Variants in SEPTIN8 observed in about 807,000 individuals in gnomAD.
SEPTIN8 encodes septin-8.
SEPTIN8 carries 22 observed loss-of-function variants against 53.1 expected under a neutral mutation model. The ratio of observed to expected loss-of-function variants is 0.41; its 90% CI spans 0.30 to 0.59. SEPTIN8 has a LOEUF of 0.59. Ranked by LOEUF, SEPTIN8 falls within the 20% of genes least tolerant of loss-of-function variation. The probability of loss-of-function intolerance (pLI) is 0.24; values close to 1 mark genes in which losing one functional copy is unlikely to be tolerated. For synonymous variants in SEPTIN8, 228 were observed against 248.4 expected (o/e 0.92, Z 0.77); for missense variants, 536 against 638.7 (o/e 0.84, Z 1.73).
chr5:132,752,598 T>G (rs182914154), intron 9 of SEPTIN8, among the ~76,000 whole-genome samples: 1 of 152,234 alleles, frequency 6.6e-6, no homozygotes, highest in African/African-American at 2.4e-5. Context: ...AGGGGTACCA[T>G]GAGGCAAGCA....
intron 2 of SEPTIN8, among the ~76,000 whole-genome samples, chr5:132,764,765 A>G (rs1756406794): frequency 1.3e-5 from 2 of 152,176 alleles, no homozygotes; most frequent in Non-Finnish European, 2.9e-5. Context: ...AACCTGCTCT[A>G]CACAACACCC....
chr5:132,758,604 T>G, intron 9 of SEPTIN8: 1 of 1,604,080 alleles, frequency 6.2e-7, no homozygotes, highest in Non-Finnish European at 8.5e-7. Flanking sequence ...ATTCATGGCT[T>G]TTACGTGTTT....
In SEPTIN8 at chr5:132,756,792, G is replaced by A. The variant is rs77138864; in HGVS notation, c.1286+4010C>T. 3.8e-4 allele frequency: 372 copies of A among 985,416 alleles called. 7 individuals carry two copies. The East Asian group carries it at 0.028, about 73-fold the overall frequency. 61.0% of individuals were successfully genotyped at this position (985,416 alleles called of 1,614,324 possible). On this transcript the variant is annotated intron_variant, in intron 9 of 9. Transcript: ENST00000378719. ...TATGGCCTTTCAGTATGCCTGGGGT[G>A]CGACCCGCAGGCCACAATGGACGAA...
At position 132,760,704 on chromosome 5, in the gene SEPTIN8, G is replaced by A. The variant is rs1454111703; in HGVS notation, c.1286+98C>T. The A allele has an allele frequency of 4.3e-6, 5 of 1,160,660 alleles. No individual in the cohort carries two copies. The highest frequency in any genetic ancestry group is 6.1e-6 in the Non-Finnish European group (5 of 814,134). 71.9% of individuals were successfully genotyped at this position (1,160,660 alleles called of 1,614,324 possible). A position where few individuals can be genotyped will look rare whatever the true frequency, so the allele number is the denominator to read the frequency against. On this transcript the variant is annotated intron_variant, in intron 9 of 9. Coordinates refer to ENST00000378719, the MANE Select transcript of SEPTIN8 (RefSeq NM_001098811.2). The surrounding 1 kb of genome is among the most constrained non-coding windows in gnomAD (Gnocchi z 5.2). ...AACCAAACAGGAAAGGGGTAAGAGA[G>A]GGCGAGCAGGAGAGCGAGAAGGGAG...
chr5:132,758,248 CTG>C, intron 9 of SEPTIN8: 2 of 1,277,234 alleles, frequency 1.6e-6, no homozygotes, highest in Non-Finnish European at 2.0e-6. Context: ...ATCAGGGAAT[CTG>C]TGTTACTTAT....
chr5:132,765,702 T>C (rs1756514405), intron 1 of SEPTIN8, among the ~76,000 whole-genome samples, 173 bp from the exon 2 acceptor site: 2 of 152,178 alleles, frequency 1.3e-5, no homozygotes, highest in Non-Finnish European at 2.9e-5. Context: ...CAGGCCAAGT[T>C]TCCCCAGAGG....
intron 9 of SEPTIN8, chr5:132,753,722 A>C (rs1755061604): frequency 1.3e-5 from 2 of 152,406 alleles, no homozygotes; most frequent in African/African-American, 4.8e-5. Flanking sequence ...CACAGCTCTG[A>C]ATGCTTTCTG....
intron 1 of SEPTIN8, among the ~76,000 whole-genome samples, chr5:132,765,747 C>G (rs1017133736): frequency 6.6e-6 from 1 of 152,380 alleles, no homozygotes; most frequent in Non-Finnish European, 1.5e-5. Context: ...GGCCCTTCCA[C>G]TCTGTAGCTT....
intron 1 of SEPTIN8, among the ~76,000 whole-genome samples, chr5:132,770,008 T>TATATATACACAC (rs1554115484): frequency 1.9e-5 from 1 of 52,208 alleles, no homozygotes; most frequent in Non-Finnish European, 3.5e-5. Flanking sequence ...TATATATATA[T>TATATATACACAC]ATATATATAT....
chr5:132,759,088 T>C, intron 9 of SEPTIN8: 1 of 617,236 alleles, frequency 1.6e-6, no homozygotes, highest in East Asian at 3.4e-5. Flanking sequence ...CTCAAATAAA[T>C]GGTCATGAAA....
At chr5:132,770,101 G>GTATATATATATATA (rs1491013330) in intron 1 of SEPTIN8, among the ~76,000 whole-genome samples, 4 of 19,746 alleles carry the variant, frequency 2.0e-4, no homozygotes, top group Non-Finnish European at 3.5e-4. Flanking sequence ...ATATATATAT[G>GTATATATATATATA]TATATATGTA....
Position 132,764,352 on chromosome 5 carries a change from T to C in SEPTIN8, c.219A>G (p.Glu73=). ...GCACGCATGCCTCATGGTGACTGGCTTCCTCAGTCTCGAAGGTCGTGTTGA... is the reference window on the plus strand; with the variant it reads ...GCACGCATGCCTCATGGTGACTGGCCTCCTCAGTCTCGAAGGTCGTGTTGA... The part of the protein sequence containing the change: ...TLFNTTFETE[E]ASHHEACVRL... The change falls in exon 3 of 10, where the codon GAA becomes GAG. Residue 73 remains glutamate, a synonymous_variant. Coordinates refer to ENST00000378719, the MANE Select transcript of SEPTIN8 (RefSeq NM_001098811.2). The C allele has an allele frequency of 6.2e-7, 1 of 1,614,186 alleles. No individual in the cohort carries two copies. The highest frequency in any genetic ancestry group is 2.2e-5 in the East Asian group (1 of 44,882).
At chr5:132,758,927 A>C in intron 9 of SEPTIN8, 1 of 1,064,720 alleles carries the variant, frequency 9.4e-7, no homozygotes, top group East Asian at 2.4e-5. Flanking sequence ...ACACCGTGAA[A>C]GGGCAGTCAG....
In SEPTIN8 at chr5:132,761,723, C is replaced by A; in HGVS notation, c.793+77G>T. The A allele has an allele frequency of 6.3e-7, 1 of 1,585,934 alleles. No individual in the cohort carries two copies. The highest frequency in any genetic ancestry group is 2.2e-5 in the East Asian group (1 of 44,654). On this transcript the variant is annotated intron_variant, in intron 6 of 9. Transcript: ENST00000378719. This position sits in a 1 kb window ranked among gnomAD's most constrained non-coding sequence, Gnocchi z 5.8. ...GCAGGTGGGCATGAGGAGGAAACAG[C>A]ACAGGGTACTACAGGCAGCAGGGCA...
Position 132,777,037 on chromosome 5 carries a change from C to G in SEPTIN8, c.30+71G>C, listed in dbSNP as rs563051492. The G allele has an allele frequency of 2.0e-6, 2 of 996,542 alleles. No individual in the cohort carries two copies. Among genetic ancestry groups the G allele is most frequent in the African/African-American group, 3.4e-5 (2 of 58,316 alleles). 61.7% of individuals were successfully genotyped at this position (996,542 alleles called of 1,614,324 possible). ...CGCTGACAGCCCGCTTCGCGCCCCC[C>G]GCCAGCTGCAGGGCGGCCCCTCCTG... On this transcript the variant is annotated intron_variant, in intron 1 of 9. Coordinates refer to ENST00000378719, the MANE Select transcript of SEPTIN8 (RefSeq NM_001098811.2). This position sits in a 1 kb window ranked among gnomAD's most constrained non-coding sequence, Gnocchi z 4.1.
upstream of SEPTIN8, chr5:132,777,267 C>T: frequency 8.9e-7 from 1 of 1,123,170 alleles, no homozygotes; most frequent in East Asian, 4.7e-5. This position sits in a 1 kb window ranked among gnomAD's most constrained non-coding sequence, Gnocchi z 4.1. Context: ...TTCCTGGAAA[C>T]TCCCCTTGGC....
At chr5:132,769,273 A>G (rs1756935111) in intron 1 of SEPTIN8, among the ~76,000 whole-genome samples, 1 of 152,234 alleles carries the variant, frequency 6.6e-6, no homozygotes, top group South Asian at 2.1e-4. Context: ...GAACAGACCA[A>G]GCTCTTGTCC....
chr5:132,778,101 T>C, upstream of SEPTIN8: 5 of 985,018 alleles, frequency 5.1e-6, no homozygotes, highest in Non-Finnish European at 6.0e-6. Flanking sequence ...GTCGGAGGCC[T>C]CAGGAGGTTC....
chr5:132,755,428 G>A (rs527546447), intron 9 of SEPTIN8, among the ~76,000 whole-genome samples: 2 of 152,270 alleles, frequency 1.3e-5, no homozygotes, highest in East Asian at 3.9e-4. Flanking sequence ...TCATTCCATT[G>A]AGATGCCAAG....
Sources: gnomAD v4.1 joint callset for allele counts (sites outside exome capture counted in the v4.1 genomes callset) on GRCh38, gnomAD v4.1.1 for gene constraint, Gnocchi (gnomAD v3.1) non-coding constraint, MANE v1.5 for transcripts, NCBI Gene and HGNC (gene_info 2026-07-23, HGNC 2026-07-21) for gene names.